PPP2R2C: variants seen among roughly 807,000 people sequenced by gnomAD.
PPP2R2C encodes protein phosphatase 2, regulatory subunit B, gamma.
In PPP2R2C, 10 loss-of-function variants were observed where a neutral mutation model predicts 45.3. That is an observed-to-expected ratio of 0.22 (90% CI 0.14 to 0.37). PPP2R2C has a LOEUF of 0.37. Among genes scored for constraint, PPP2R2C ranks in the 10% least tolerant of loss-of-function variants. PPP2R2C has a pLI of 1.00. For missense variants in PPP2R2C, 308 were observed against 619.7 expected, an observed-to-expected ratio of 0.50 and a Z score of 5.34; for synonymous variants, 257 against 245.4, an observed-to-expected ratio of 1.05 and a Z score of -0.44.
At chr4:6,449,534 G>T (rs1221598877) in intron 1 of PPP2R2C, among the ~76,000 whole-genome samples, 1 of 152,194 alleles carries the variant, frequency 6.6e-6, no homozygotes. Flanking sequence ...CCCCGCCGCC[G>T]CCTGGCCCCT....
chr4:6,534,475 C>T (rs916006203), intron 2 of PPP2R2C, among the ~76,000 whole-genome samples: 1 of 151,788 alleles, frequency 6.6e-6, no homozygotes, highest in African/African-American at 2.4e-5. Context: ...CACCCTAACA[C>T]ACATACTCCA....
At chr4:6,454,791 G>A (rs185703762) in intron 1 of PPP2R2C, among the ~76,000 whole-genome samples, 2 of 152,314 alleles carry the variant, frequency 1.3e-5, no homozygotes, top group African/African-American at 2.4e-5. Context: ...GCGTCCTGAT[G>A]TGCAAACGCG....
At chr4:6,549,042 G>T (rs1224195085) in intron 1 of PPP2R2C, among the ~76,000 whole-genome samples, 2 of 152,102 alleles carry the variant, frequency 1.3e-5, no homozygotes, top group Non-Finnish European at 2.9e-5. Flanking sequence ...TTCCTCCCAC[G>T]TGCAAGGTGT....
At chr4:6,394,637 C>T (rs185872848) in intron 1 of PPP2R2C, among the ~76,000 whole-genome samples, 1 of 152,296 alleles carries the variant, frequency 6.6e-6, no homozygotes, top group East Asian at 1.9e-4. Flanking sequence ...CTGTTCCCAT[C>T]CCAGGATGGG....
Position 6,333,737 on chromosome 4 carries a change from GA to G in PPP2R2C, c.791-7del. 2 of 1,614,040 alleles carry G rather than the reference GA, an allele frequency of 1.2e-6. No homozygotes were observed. Among genetic ancestry groups the G allele is most frequent in the Non-Finnish European group, 8.5e-7 (1 of 1,179,956 alleles). ...GTCCTCAGGCTCTTCAAAGACTGTGGAGACAGAGAAGCAATGGCCGTCACTG... is the reference window on the plus strand; with the variant it reads ...GTCCTCAGGCTCTTCAAAGACTGTGGGACAGAGAAGCAATGGCCGTCACTG... On this transcript the variant is annotated splice_polypyrimidine_tract_variant and splice_region_variant and intron_variant, in intron 6 of 8. Coordinates refer to ENST00000382599, the MANE Select transcript of PPP2R2C (RefSeq NM_020416.4).
chr4:6,343,574 G>C (rs1444093555), intron 6 of PPP2R2C, among the ~76,000 whole-genome samples: 9 of 152,024 alleles, frequency 5.9e-5, no homozygotes, highest in Admixed American at 5.9e-4. Flanking sequence ...AAAAAAATTA[G>C]CCAGGCATGG....
chr4:6,334,337 T>C lies in PPP2R2C; in HGVS notation c.791-606A>G, dbSNP rs529702017. On this transcript the variant is annotated intron_variant, in intron 6 of 8. Coordinates refer to ENST00000382599, the MANE Select transcript of PPP2R2C (RefSeq NM_020416.4). ...TCTCCTGTATGCCATCCACTGACCATCTCCTTTTTTCTTGGAGCACCTGCT... is the reference window on the plus strand; with the variant it reads ...TCTCCTGTATGCCATCCACTGACCACCTCCTTTTTTCTTGGAGCACCTGCT... Among the ~76,000 whole-genome samples the C allele has an allele frequency of 5.3e-5, 8 of 152,222 alleles. No individual in the cohort carries two copies. In the East Asian group the frequency reaches 1.5e-3, roughly 29 times the overall value.
chr4:6,357,241 G>A (rs1713288471), intron 5 of PPP2R2C, among the ~76,000 whole-genome samples: 1 of 152,270 alleles, frequency 6.6e-6, no homozygotes, highest in Admixed American at 6.5e-5. Context: ...CAGGGACAGC[G>A]AGGTGCTGGG....
chr4:6,546,823 T>C (rs1009713797), intron 1 of PPP2R2C, among the ~76,000 whole-genome samples: 1 of 151,806 alleles, frequency 6.6e-6, no homozygotes, highest in Non-Finnish European at 1.5e-5. Flanking sequence ...GTGGTCCTTA[T>C]GAAAAAGGGC....
intron 1 of PPP2R2C, among the ~76,000 whole-genome samples, chr4:6,389,141 A>G (rs1417852991): frequency 1.3e-5 from 2 of 152,204 alleles, no homozygotes; most frequent in East Asian, 3.9e-4. Context: ...TGACTGCCTC[A>G]TGGATACAAT....
At chr4:6,553,271 C>T (rs1417501111) in intron 1 of PPP2R2C, among the ~76,000 whole-genome samples, 2 of 152,238 alleles carry the variant, frequency 1.3e-5, no homozygotes, top group Non-Finnish European at 2.9e-5. Context: ...ACTGGCCAAA[C>T]TCCACGGGAG....
intron 1 of PPP2R2C, among the ~76,000 whole-genome samples, chr4:6,446,772 G>A (rs1451167183): frequency 6.6e-6 from 1 of 152,218 alleles, no homozygotes; most frequent in African/African-American, 2.4e-5. Context: ...TCACCAAGCA[G>A]GCATGGCAGG....
intron 1 of PPP2R2C, among the ~76,000 whole-genome samples, chr4:6,554,967 G>GAA (rs1355294239): frequency 7.9e-6 from 1 of 127,340 alleles, no homozygotes; most frequent in African/African-American, 2.8e-5. Flanking sequence ...AAGAAAGAAA[G>GAA]AGAAAGAAAG....
intron 1 of PPP2R2C, among the ~76,000 whole-genome samples, chr4:6,450,207 G>A (rs866692988): frequency 5.9e-5 from 7 of 117,734 alleles, no homozygotes; most frequent in Non-Finnish European, 1.1e-4. Flanking sequence ...GGCTTCAATT[G>A]TCTCATCTAT....
At chr4:6,511,429 A>ACGGTGGTGG (rs1723469846) in intron 2 of PPP2R2C, among the ~76,000 whole-genome samples, 5 of 77,814 alleles carry the variant, frequency 6.4e-5, no homozygotes, top group African/African-American at 2.4e-4. Flanking sequence ...GATGGTGGTG[A>ACGGTGGTGG]TGGTGGTGGT....
chr4:6,546,255 G>A (rs969556629), intron 1 of PPP2R2C, among the ~76,000 whole-genome samples: 3 of 152,146 alleles, frequency 2.0e-5, no homozygotes, highest in East Asian at 1.9e-4. Context: ...CGGTGATCAC[G>A]GGCAAGGCAG....
intron 1 of PPP2R2C, among the ~76,000 whole-genome samples, chr4:6,452,787 T>C (rs1020344355): frequency 6.6e-6 from 1 of 152,166 alleles, no homozygotes; most frequent in Admixed American, 6.5e-5. Flanking sequence ...CCCTGAGTGT[T>C]CCCAAGCCTG....
chr4:6,442,927 G>A (rs1251979930), intron 1 of PPP2R2C, among the ~76,000 whole-genome samples: 2 of 152,198 alleles, frequency 1.3e-5, no homozygotes, highest in African/African-American at 4.8e-5. Flanking sequence ...CGCCCAAGGG[G>A]GGCACCCATT....
At chr4:6,387,437 G>C (rs1299040168) in intron 1 of PPP2R2C, among the ~76,000 whole-genome samples, 1 of 152,188 alleles carries the variant, frequency 6.6e-6, no homozygotes, top group East Asian at 1.9e-4. Context: ...ATGGCACCCA[G>C]AAGACTCTTT....
Sources: allele counts gnomAD v4.1 joint callset (sites outside exome capture counted in the v4.1 genomes callset), GRCh38; gene constraint gnomAD v4.1.1; transcripts MANE v1.5; gene names NCBI Gene and HGNC (gene_info 2026-07-23, HGNC 2026-07-21).